Variants in CSMD1 observed in about 807,000 individuals in gnomAD.
CSMD1 encodes CUB and sushi domain-containing protein 1.
CSMD1 carries 213 observed loss-of-function variants against 417.5 expected under a neutral mutation model. The observed-to-expected ratio is 0.51, with a 90% confidence interval of 0.46 to 0.57. The LOEUF is 0.57. CSMD1 is among the 20% of genes least tolerant of loss of function. CSMD1 has a pLI of 0.00. For missense variants in CSMD1, 6,923 were observed against 4,529.7 expected (o/e 1.53, Z -15.17); for synonymous variants, 2,862 against 1,736.8 (o/e 1.65, Z -16.11).
At chr8:4,610,295 G>C (rs1448873394) in intron 2 of CSMD1, among the ~76,000 whole-genome samples, 1 of 152,200 alleles carries the variant, frequency 6.6e-6, no homozygotes, top group African/African-American at 2.4e-5. Context: ...CCATGAAATT[G>C]AGCAATATCC....
chr8:3,606,124 G>T (rs1801599698), intron 8 of CSMD1, among the ~76,000 whole-genome samples: 1 of 152,224 alleles, frequency 6.6e-6, no homozygotes, highest in African/African-American at 2.4e-5. Flanking sequence ...ATGACAAGAA[G>T]CTGGGTGTAA....
chr8:3,162,296 A>G lies in CSMD1; in HGVS notation c.5726-19T>C, dbSNP rs893855466. ...CCTACAGCTAGAAATGCAAAGACAAATGCTAGAAATTATATGATGTAAACA... is the reference window on the plus strand; with the variant it reads ...CCTACAGCTAGAAATGCAAAGACAAGTGCTAGAAATTATATGATGTAAACA... On this transcript the variant is annotated intron_variant, in intron 37 of 69. Transcript: ENST00000635120. 1 of 1,457,048 alleles carries G rather than the reference A, an allele frequency of 6.9e-7. No homozygotes were observed. The highest frequency in any genetic ancestry group is 9.5e-7 in the Non-Finnish European group (1 of 1,049,422). 90.3% of individuals were successfully genotyped at this position (1,457,048 alleles called of 1,614,324 possible).
chr8:3,552,000 G>A (rs1015411369), intron 10 of CSMD1, among the ~76,000 whole-genome samples: 4 of 152,196 alleles, frequency 2.6e-5, no homozygotes, highest in African/African-American at 9.6e-5. Context: ...GGCAGAAACA[G>A]GAACTCGAGA....
chr8:3,212,224 ACT>A (rs1190390638), intron 30 of CSMD1, among the ~76,000 whole-genome samples: 1 of 152,156 alleles, frequency 6.6e-6, no homozygotes, highest in Non-Finnish European at 1.5e-5. Flanking sequence ...AAAAAGAAAC[ACT>A]CTATAACTTC....
intron 3 of CSMD1, among the ~76,000 whole-genome samples, chr8:4,386,384 C>T (rs542852689): frequency 1.3e-5 from 2 of 151,848 alleles, no homozygotes; most frequent in South Asian, 4.2e-4. Flanking sequence ...AGACATTCTC[C>T]TAAGTTCCAT....
At chr8:3,946,457 T>C (rs1811231000) in intron 5 of CSMD1, among the ~76,000 whole-genome samples, 1 of 152,172 alleles carries the variant, frequency 6.6e-6, no homozygotes, top group Non-Finnish European at 1.5e-5. Flanking sequence ...CTTCAAATCG[T>C]ATTATGTAAG....
In CSMD1 at chr8:3,636,703, C is replaced by T. The variant is rs79913607; in HGVS notation, c.1010-19906G>A. 7.1e-3 allele frequency among the ~76,000 whole-genome samples: 1,075 copies of T among 152,332 alleles called. 18 individuals are homozygous for T. The East Asian group carries it at 0.073, about 10-fold the overall frequency. ...TGTGGAGAGGTGAAGCCTGGAGCCACGCTCTTGTGACCATCTTGGGAGCAG... is the reference window on the plus strand; with the variant it reads ...TGTGGAGAGGTGAAGCCTGGAGCCATGCTCTTGTGACCATCTTGGGAGCAG... On this transcript the variant is annotated intron_variant, in intron 7 of 69. Coordinates refer to ENST00000635120, the MANE Select transcript of CSMD1 (RefSeq NM_033225.6).
intron 7 of CSMD1, among the ~76,000 whole-genome samples, chr8:3,690,036 A>C (rs547268772): frequency 5.7e-4 from 87 of 152,356 alleles, no homozygotes; most frequent in Middle Eastern, 3.4e-3. Context: ...TTGCTTTAGC[A>C]AACATAAAAT....
intron 3 of CSMD1, among the ~76,000 whole-genome samples, chr8:4,408,001 C>T (rs965683273): frequency 4.6e-5 from 7 of 152,158 alleles, no homozygotes; most frequent in African/African-American, 1.2e-4. Context: ...AACTGCAAGT[C>T]CCCACACACC....
chr8:4,269,584 G>T (rs936349954), intron 3 of CSMD1, among the ~76,000 whole-genome samples: 2 of 152,058 alleles, frequency 1.3e-5, no homozygotes, highest in African/African-American at 4.8e-5. Context: ...TCTTTTGAAA[G>T]CATCCTTCAC....
At chr8:3,241,868 T>C (rs1799554201) in intron 26 of CSMD1, among the ~76,000 whole-genome samples, 1 of 152,052 alleles carries the variant, frequency 6.6e-6, no homozygotes, top group Non-Finnish European at 1.5e-5. Context: ...GCGACGTTAA[T>C]TAAGTCCTGT....
In CSMD1 at chr8:4,452,219, C is replaced by T. The variant is rs117864843; in HGVS notation, c.303-32154G>A. Reference sequence around the variant, plus strand: ...TTCTGCTTTTTATCAGTTTGACTGCCTGAGACTGATTCCAACAACCCAAAC... The same window carrying T: ...TTCTGCTTTTTATCAGTTTGACTGCTTGAGACTGATTCCAACAACCCAAAC... On this transcript the variant is annotated intron_variant, in intron 2 of 69. Transcript: ENST00000635120. Among the ~76,000 whole-genome samples the T allele has an allele frequency of 2.0e-3, 302 of 152,256 alleles. 1 individual carries two copies. The highest frequency in any genetic ancestry group is 3.7e-3 in the Admixed American group (56 of 15,292).
chr8:4,435,739 G>C (rs1180462931), intron 2 of CSMD1, among the ~76,000 whole-genome samples: 1 of 152,198 alleles, frequency 6.6e-6, no homozygotes. Flanking sequence ...ATCTGTCTTG[G>C]CCATGTGGCT....
chr8:4,085,344 A>G (rs927821609), intron 3 of CSMD1, among the ~76,000 whole-genome samples: 3 of 152,220 alleles, frequency 2.0e-5, no homozygotes, highest in African/African-American at 7.2e-5. Context: ...AATGAATGGC[A>G]TCTCACAACT....
Position 4,875,339 on chromosome 8 carries a change from T to C in CSMD1, c.85+118993A>G, listed in dbSNP as rs1031036175. Among the ~76,000 whole-genome samples the C allele has an allele frequency of 3.2e-4, 49 of 152,188 alleles. 1 individual carries two copies. The highest frequency in any genetic ancestry group is 1.0e-3 in the African/African-American group (43 of 41,482). On this transcript the variant is annotated intron_variant, in intron 1 of 69. Coordinates refer to ENST00000635120, the MANE Select transcript of CSMD1 (RefSeq NM_033225.6). ...ACCTTGTAATAACATGCGACGGTTA[T>C]TGAATATTTTGGAACTGAAAAGTGA...
intron 12 of CSMD1, among the ~76,000 whole-genome samples, chr8:3,452,776 CTCTT>C (rs1324236456): frequency 2.6e-5 from 4 of 152,044 alleles, no homozygotes; most frequent in African/African-American, 9.7e-5. Context: ...GTCTAAAATT[CTCTT>C]TTTTTGTTGT....
intron 2 of CSMD1, among the ~76,000 whole-genome samples, chr8:4,481,822 A>C (rs1049680630): frequency 6.6e-6 from 1 of 152,160 alleles, no homozygotes; most frequent in Non-Finnish European, 1.5e-5. Context: ...AATTTTAATA[A>C]TCCCAGGAGG....
At chr8:4,709,921 T>C (rs1808184019) in intron 1 of CSMD1, among the ~76,000 whole-genome samples, 1 of 152,148 alleles carries the variant, frequency 6.6e-6, no homozygotes, top group African/African-American at 2.4e-5. Context: ...ATTGAAAAAC[T>C]AGAAACCATA....
intron 10 of CSMD1, among the ~76,000 whole-genome samples, chr8:3,508,976 T>G (rs769121189): frequency 5.3e-5 from 8 of 152,160 alleles, no homozygotes; most frequent in Non-Finnish European, 1.2e-4. Flanking sequence ...AGCTCAGACT[T>G]AAGTGAGAAT....
Sources: gnomAD v4.1 joint callset for allele counts (sites outside exome capture counted in the v4.1 genomes callset) on GRCh38, gnomAD v4.1.1 for gene constraint, MANE v1.5 for transcripts, NCBI Gene and HGNC (gene_info 2026-07-23, HGNC 2026-07-21) for gene names.